The following SHROOM3 variants were observed in gnomAD, a reference collection of about 807,000 sequenced individuals.
SHROOM3 encodes shroom family member 3, also known as protein Shroom3.
In SHROOM3, 47 loss-of-function variants were observed where a neutral mutation model predicts 138.6. The ratio of observed to expected loss-of-function variants is 0.34; its 90% CI spans 0.27 to 0.43. SHROOM3 has a LOEUF of 0.43. Among genes scored for constraint, SHROOM3 ranks in the 20% least tolerant of loss-of-function variants. The pLI, the probability that SHROOM3 is intolerant of heterozygous loss-of-function variation, is 1.00. For synonymous variants in SHROOM3, 1,062 were observed against 1,063.3 expected (o/e 1.00, Z 0.02); for missense variants, 2,491 against 2,596.5 (o/e 0.96, Z 0.88).
intron 1 of SHROOM3, among the ~76,000 whole-genome samples, chr4:76,498,101 A>G (rs1703375999): frequency 6.6e-6 from 1 of 152,184 alleles, no homozygotes; most frequent in South Asian, 2.1e-4. Flanking sequence ...GCCTCTAGTC[A>G]TACAAAGTTG....
chr4:76,608,728 CAGCATAGCATAGCAT>C (rs201721082), intron 2 of SHROOM3, among the ~76,000 whole-genome samples: 12 of 54,110 alleles, frequency 2.2e-4, no homozygotes, highest in South Asian at 8.0e-4. Context: ...CAGCACAGCA[CAGCATAGCATAGCAT>C]AGCACAGTGT....
intron 2 of SHROOM3, among the ~76,000 whole-genome samples, chr4:76,678,071 G>A (rs1010587054): frequency 1.3e-5 from 2 of 152,182 alleles, no homozygotes; most frequent in Non-Finnish European, 2.9e-5. Context: ...GAGAATAAGA[G>A]AGGTGAATTA....
intron 2 of SHROOM3, among the ~76,000 whole-genome samples, chr4:76,696,202 G>A (rs1449751245): frequency 6.6e-6 from 1 of 152,208 alleles, no homozygotes; most frequent in Admixed American, 6.5e-5. Context: ...CTCCACTTCA[G>A]TCTTTTAGTC....
intron 9 of SHROOM3, among the ~76,000 whole-genome samples, chr4:76,766,025 T>G (rs1722142878): frequency 6.6e-6 from 1 of 152,168 alleles, no homozygotes; most frequent in South Asian, 2.1e-4. Flanking sequence ...ATGAGCTATT[T>G]TAATAAAGTG....
intron 1 of SHROOM3, among the ~76,000 whole-genome samples, chr4:76,538,118 C>T (rs368338515): frequency 2.0e-5 from 3 of 152,062 alleles, no homozygotes; most frequent in East Asian, 1.9e-4. Context: ...AGGCTGGTCT[C>T]GAACTCTTGA....
intron 2 of SHROOM3, among the ~76,000 whole-genome samples, chr4:76,601,382 T>C (rs1734502423): frequency 6.6e-6 from 1 of 152,148 alleles, no homozygotes; most frequent in Non-Finnish European, 1.5e-5. Flanking sequence ...TTGTCAGTAA[T>C]GCCAAGGCTG....
At chr4:76,479,297 A>G (rs1307192152) in intron 1 of SHROOM3, among the ~76,000 whole-genome samples, 1 of 152,032 alleles carries the variant, frequency 6.6e-6, no homozygotes, top group Non-Finnish European at 1.5e-5. Context: ...GACCTGATGG[A>G]GCTGAAAAAC....
In SHROOM3 at chr4:76,634,133, G is replaced by A. The variant is rs148663246; in HGVS notation, c.324-76023G>A. 8.6e-3 allele frequency among the ~76,000 whole-genome samples: 1,303 copies of A among 152,192 alleles called. 14 individuals are homozygous for A. The highest frequency in any genetic ancestry group is 0.03 in the African/African-American group (1,231 of 41,532). ...CTCAAAATCAAAATGAAAGTGTCAC[G>A]TATGTACACTTTCCTTTTGGAAAGC... On this transcript the variant is annotated intron_variant, in intron 2 of 10. Coordinates refer to ENST00000296043, the MANE Select transcript of SHROOM3 (RefSeq NM_020859.4).
intron 2 of SHROOM3, among the ~76,000 whole-genome samples, chr4:76,691,382 AC>A (rs1719533124): frequency 6.6e-6 from 1 of 152,124 alleles, no homozygotes; most frequent in Non-Finnish European, 1.5e-5. Context: ...CTCAATTTTG[AC>A]CTGGGACCAG....
rs1359584711 is a variant in SHROOM3, at chr4:76,759,625, T to C, written c.5279T>C (p.Leu1760Pro). Residue 1760 changes from leucine to proline, a missense_variant, in exon 9 of 11, where the codon CTG (leucine) becomes CCG (proline). By Grantham distance (98) the Leu-to-Pro change is moderately conservative. Around this residue, in one of 4 missense-constraint regions of SHROOM3, gnomAD observed 470 missense variants for 595.0 expected, o/e 0.79. Coordinates refer to ENST00000296043, the MANE Select transcript of SHROOM3 (RefSeq NM_020859.4). ...YSVSAPKAEL[L>P]NKIKEMPAEV... Reference sequence around the variant, plus strand: ...GTGTCTGCTCCCAAGGCTGAGCTACTGAACAAAATCAAAGAGATGCCAGCA... The same window carrying C: ...GTGTCTGCTCCCAAGGCTGAGCTACCGAACAAAATCAAAGAGATGCCAGCA... 6.2e-7 allele frequency: 1 copy of C among 1,614,196 alleles called. No homozygotes were observed. Among genetic ancestry groups the C allele is most frequent in the East Asian group, 2.2e-5 (1 of 44,884 alleles).
chr4:76,474,318 G>T (rs929271073), intron 1 of SHROOM3, among the ~76,000 whole-genome samples: 2 of 152,106 alleles, frequency 1.3e-5, no homozygotes, highest in Non-Finnish European at 1.5e-5. Context: ...AGAGGGTACA[G>T]GACTTAATTT....
At chr4:76,459,405 C>A (rs1731097339) in intron 1 of SHROOM3, among the ~76,000 whole-genome samples, 1 of 152,168 alleles carries the variant, frequency 6.6e-6, no homozygotes, top group Admixed American at 6.5e-5. Context: ...TTTTCCCCCT[C>A]TTGTCATAGT....
intron 1 of SHROOM3, among the ~76,000 whole-genome samples, chr4:76,493,749 G>T (rs1731904609): frequency 6.6e-6 from 1 of 152,204 alleles, no homozygotes; most frequent in African/African-American, 2.4e-5. Context: ...GGGAGGCCAA[G>T]GTGGGCGGAT....
chr4:76,466,500 C>T (rs1731251970), intron 1 of SHROOM3, among the ~76,000 whole-genome samples: 1 of 152,224 alleles, frequency 6.6e-6, no homozygotes, highest in Admixed American at 6.5e-5. Context: ...GATAGACTTC[C>T]TCAGGAACTA....
intron 2 of SHROOM3, among the ~76,000 whole-genome samples, chr4:76,627,489 T>A (rs1387431834): frequency 6.6e-6 from 1 of 152,096 alleles, no homozygotes; most frequent in Non-Finnish European, 1.5e-5. Context: ...GTGTTCTCTA[T>A]TGTTTATATT....
At chr4:76,696,404 CT>C (rs931608771) in intron 2 of SHROOM3, among the ~76,000 whole-genome samples, 10 of 152,364 alleles carry the variant, frequency 6.6e-5, no homozygotes, top group African/African-American at 2.4e-4. Flanking sequence ...GCCTCCCCTA[CT>C]GAGCCAGGTC....
intron 1 of SHROOM3, among the ~76,000 whole-genome samples, chr4:76,485,620 C>T (rs537506998): frequency 2.0e-4 from 30 of 152,232 alleles, no homozygotes; most frequent in African/African-American, 6.7e-4. Flanking sequence ...TTAAAGGCAG[C>T]GCCTTTACAG....
chr4:76,660,730 C>CA (rs1736165697), intron 2 of SHROOM3, among the ~76,000 whole-genome samples: 1 of 152,194 alleles, frequency 6.6e-6, no homozygotes, highest in African/African-American at 2.4e-5. Flanking sequence ...CCTGCCTCAG[C>CA]CTCCCAAAGT....
chr4:76,541,935 T>C (rs546197206), intron 1 of SHROOM3, among the ~76,000 whole-genome samples: 41 of 152,254 alleles, frequency 2.7e-4, no homozygotes, highest in Non-Finnish European at 5.4e-4. Flanking sequence ...GGATCAAGGA[T>C]AGGAGTCCTC....
Sources: gnomAD v4.1 joint callset for allele counts (sites outside exome capture counted in the v4.1 genomes callset) on GRCh38, gnomAD v4.1.1 for gene constraint, gnomAD v4.1.1 regional missense constraint, MANE v1.5 for transcripts, NCBI Gene and HGNC (gene_info 2026-07-23, HGNC 2026-07-21) for gene names.